DAB2IP: variants seen among roughly 807,000 people sequenced by gnomAD.
DAB2IP encodes DAB2 interacting protein, also known as disabled homolog 2-interacting protein.
DAB2IP carries 28 observed loss-of-function variants against 107.2 expected under a neutral mutation model. That is an observed-to-expected ratio of 0.26 (90% CI 0.19 to 0.36). The LOEUF is 0.36. Ranked by LOEUF, DAB2IP falls within the 10% of genes least tolerant of loss-of-function variation. The pLI is 1.00. For synonymous variants in DAB2IP, 755 were observed against 706.4 expected (o/e 1.07, Z -1.09); for missense variants, 1,400 against 1,644.7 (o/e 0.85, Z 2.57).
intron 3 of DAB2IP, among the ~76,000 whole-genome samples, chr9:121,750,660 T>C (rs565279634): frequency 4.2e-4 from 64 of 151,954 alleles, no homozygotes; most frequent in African/African-American, 1.5e-3. Flanking sequence ...CACTCTCAAT[T>C]CCCCCCACCC....
Position 121,574,133 on chromosome 9 carries a change from A to G in DAB2IP, c.40+6905A>G, listed in dbSNP as rs536946614. ...TTTGAGAGGCAGAGGGATTAGCTTC[A>G]ACTGGTGACAGATAGATAATAATTG... On this transcript the variant is annotated intron_variant, in intron 1 of 16. Coordinates refer to the DAB2IP transcript ENST00000259371. 2.0e-5 allele frequency among the ~76,000 whole-genome samples: 3 copies of G among 152,280 alleles called. No individual in the cohort carries two copies. In the East Asian group the frequency reaches 5.8e-4, roughly 29 times the overall value.
intron 3 of DAB2IP, among the ~76,000 whole-genome samples, chr9:121,747,857 CA>C (rs35203556): frequency 2.6e-3 from 334 of 127,900 alleles, no homozygotes; most frequent in Middle Eastern, 4.0e-3. Flanking sequence ...TCCTCCCCCG[CA>C]AAAAAAAAAA....
Position 121,737,722 on chromosome 9 carries a change from T to C in DAB2IP, c.363-19291T>C, listed in dbSNP as rs917234534. 1.2e-5 allele frequency: 12 copies of C among 985,328 alleles called. No individual in the cohort carries two copies. The South Asian group carries it at 2.8e-4, about 23-fold the overall frequency. The allele number at this position is 985,328 out of a possible 1,614,324, so 61.0% of individuals were successfully genotyped here. A position where few individuals can be genotyped will look rare whatever the true frequency, so the allele number is the denominator to read the frequency against. ...CTGCGCTCCCACCACAAAGGTCTGTTTGAAGTCCTGTGGGAGGGAGGACAG... is the reference window on the plus strand; with the variant it reads ...CTGCGCTCCCACCACAAAGGTCTGTCTGAAGTCCTGTGGGAGGGAGGACAG... On this transcript the variant is annotated intron_variant, in intron 3 of 15. Coordinates refer to ENST00000408936, the Ensembl canonical transcript of DAB2IP.
At chr9:121,704,483 C>T (rs1292589199) in intron 3 of DAB2IP, among the ~76,000 whole-genome samples, 1 of 152,162 alleles carries the variant, frequency 6.6e-6, no homozygotes, top group Admixed American at 6.5e-5. Flanking sequence ...CTTGTCTATT[C>T]CTGTCCTTTG....
chr9:121,731,362 A>G (rs1831529128), intron 3 of DAB2IP, among the ~76,000 whole-genome samples: 1 of 152,210 alleles, frequency 6.6e-6, no homozygotes. Flanking sequence ...CAAGGAGGTT[A>G]ATATCACACA....
chr9:121,694,964 G>C (rs931698948), intron 2 of DAB2IP, among the ~76,000 whole-genome samples: 2 of 152,136 alleles, frequency 1.3e-5, no homozygotes, highest in African/African-American at 4.8e-5. Flanking sequence ...TAGAGGCAGA[G>C]TGCCCCATCT....
At chr9:121,677,901 A>T (rs1828347185) in intron 1 of DAB2IP, among the ~76,000 whole-genome samples, 1 of 152,060 alleles carries the variant, frequency 6.6e-6, no homozygotes, top group Non-Finnish European at 1.5e-5. Flanking sequence ...ACCTCAGGTG[A>T]TCCTCCCGCC....
intron 14 of DAB2IP, among the ~76,000 whole-genome samples, chr9:121,780,065 A>G (rs1300786077): frequency 6.6e-6 from 1 of 152,104 alleles, no homozygotes; most frequent in Non-Finnish European, 1.5e-5. Flanking sequence ...TTGGTTTTTA[A>G]TAAAGAGATG....
intron 1 of DAB2IP, among the ~76,000 whole-genome samples, chr9:121,573,827 G>A (rs1327662158): frequency 1.3e-5 from 2 of 152,284 alleles, no homozygotes; most frequent in Non-Finnish European, 2.9e-5. Context: ...GCTTTCTCCA[G>A]CTACAAAGCC....
At chr9:121,595,014 T>C (rs1830499042) in intron 1 of DAB2IP, among the ~76,000 whole-genome samples, 1 of 152,072 alleles carries the variant, frequency 6.6e-6, no homozygotes, top group Non-Finnish European at 1.5e-5. Flanking sequence ...ATGGTGGTGC[T>C]TGGGCGGGGG....
rs553997130 is a variant in DAB2IP, at chr9:121,736,509, C to G, written c.363-20504C>G. Among the ~76,000 whole-genome samples the G allele has an allele frequency of 2.5e-5, 3 of 119,674 alleles. No individual in the cohort carries two copies. Among genetic ancestry groups the G allele is most frequent in the South Asian group, 5.5e-4 (2 of 3,612 alleles). 78.5% of individuals were successfully genotyped at this position (119,674 alleles called of 152,430 possible). ...CTGGCCGCGGAATGTCACCCGCTGC[C>G]GGGCCTGGGAAGGGCTGGGCCTACT... is the stretch of plus-strand genomic sequence containing the variant. On this transcript the variant is annotated intron_variant, in intron 3 of 15. Transcript: ENST00000408936. This position sits in a 1 kb window ranked among gnomAD's most constrained non-coding sequence, Gnocchi z 4.6.
chr9:121,778,189 C>T (rs141992141), intron 14 of DAB2IP, among the ~76,000 whole-genome samples: 94 of 152,292 alleles, frequency 6.2e-4, no homozygotes, highest in African/African-American at 1.9e-3. Context: ...GGGGTGTGAG[C>T]AAGCTCCCTT....
At chr9:121,768,708 C>T in intron 10 of DAB2IP, 75 bp downstream of exon 10, 1 of 1,571,652 alleles carries the variant, frequency 6.4e-7, no homozygotes, top group Non-Finnish European at 8.7e-7. Context: ...TCCAGAGTAA[C>T]CATGGAGGGC....
intron 3 of DAB2IP, among the ~76,000 whole-genome samples, chr9:121,746,599 G>A (rs533996496): frequency 1.3e-5 from 2 of 152,196 alleles, no homozygotes; most frequent in African/African-American, 4.8e-5. Flanking sequence ...GTGGCATGGC[G>A]CCCAGGTCTT....
intron 2 of DAB2IP, among the ~76,000 whole-genome samples, chr9:121,692,640 A>G (rs1829219234): frequency 6.6e-6 from 1 of 152,198 alleles, no homozygotes; most frequent in Non-Finnish European, 1.5e-5. Flanking sequence ...TCTCACTGGT[A>G]TGAGATTGTA....
intron 3 of DAB2IP, among the ~76,000 whole-genome samples, chr9:121,739,725 C>T (rs1291782615): frequency 2.6e-5 from 4 of 152,158 alleles, no homozygotes; most frequent in Non-Finnish European, 5.9e-5. Flanking sequence ...GTCAGGCAAG[C>T]ATGGAGACAC....
At chr9:121,640,570 A>G (rs1340579122) in intron 1 of DAB2IP, among the ~76,000 whole-genome samples, 3 of 152,048 alleles carry the variant, frequency 2.0e-5, no homozygotes, top group Non-Finnish European at 2.9e-5. Context: ...CCCCCACACC[A>G]TGTCCTCTGG....
At chr9:121,628,952 C>A (rs1831771052) in intron 1 of DAB2IP, among the ~76,000 whole-genome samples, 2 of 152,154 alleles carry the variant, frequency 1.3e-5, no homozygotes, top group African/African-American at 4.8e-5. Flanking sequence ...GGCTTGAGCT[C>A]CTGTTTGGAG....
At chr9:121,642,351 G>A (rs1209228121) in intron 1 of DAB2IP, among the ~76,000 whole-genome samples, 2 of 151,588 alleles carry the variant, frequency 1.3e-5, no homozygotes, top group Non-Finnish European at 2.9e-5. Context: ...AGCAATTCTC[G>A]TGTGTCGGCT....
Sources: gnomAD v4.1 joint callset for allele counts (sites outside exome capture counted in the v4.1 genomes callset) on GRCh38, gnomAD v4.1.1 for gene constraint, Gnocchi (gnomAD v3.1) non-coding constraint, MANE v1.5 for transcripts, NCBI Gene and HGNC (gene_info 2026-07-23, HGNC 2026-07-21) for gene names.